Variants in TBC1D2 observed in about 807,000 individuals in gnomAD.
TBC1D2 encodes TBC1 domain family member 2.
A neutral mutation model predicts 91.1 loss-of-function variants in TBC1D2; 58 were observed. That is an observed-to-expected ratio of 0.64 (90% CI 0.52 to 0.79). The LOEUF (loss-of-function observed/expected upper bound fraction) is 0.79, where lower values mean the gene tolerates loss of function less well. TBC1D2 is among the 30% of genes least tolerant of loss of function. The pLI, the probability that TBC1D2 is intolerant of heterozygous loss-of-function variation, is 0.00. For missense variants in TBC1D2, 1,080 were observed against 1,208.3 expected, an observed-to-expected ratio of 0.89 and a Z score of 1.57; for synonymous variants, 482 against 511.5, an observed-to-expected ratio of 0.94 and a Z score of 0.78.
At chr9:98,220,733 C>T in intron 6 of TBC1D2, 100 bp downstream of exon 6, 1 of 1,452,790 alleles carries the variant, frequency 6.9e-7, no homozygotes, top group Non-Finnish European at 9.3e-7. Flanking sequence ...GGGGTATCCC[C>T]ACTCCACCTA....
chr9:98,247,029 A>C (rs1305031767), intron 2 of TBC1D2, among the ~76,000 whole-genome samples: 1 of 152,012 alleles, frequency 6.6e-6, no homozygotes, highest in Admixed American at 6.5e-5. Flanking sequence ...AATCAGTAAA[A>C]AAAAAAAAAA....
At chr9:98,234,447 G>T (rs895119574) in intron 3 of TBC1D2, among the ~76,000 whole-genome samples, 1 of 152,332 alleles carries the variant, frequency 6.6e-6, no homozygotes, top group South Asian at 2.1e-4. Flanking sequence ...GGAAAATGAT[G>T]AAAGGAGTTC....
chr9:98,215,392 C>T (rs1300119079), intron 6 of TBC1D2, among the ~76,000 whole-genome samples: 1 of 152,184 alleles, frequency 6.6e-6, no homozygotes, highest in Non-Finnish European at 1.5e-5. Flanking sequence ...CCTAGCAACC[C>T]TAGAAGGGAT....
At chr9:98,215,981 A>AGAC (rs1244166754) in intron 6 of TBC1D2, among the ~76,000 whole-genome samples, 5 of 152,170 alleles carry the variant, frequency 3.3e-5, no homozygotes, top group African/African-American at 1.2e-4. Flanking sequence ...CCTACCCATC[A>AGAC]GACAGTATAA....
At chr9:98,216,007 G>A (rs1311316852) in intron 6 of TBC1D2, among the ~76,000 whole-genome samples, 1 of 152,180 alleles carries the variant, frequency 6.6e-6, no homozygotes, top group Non-Finnish European at 1.5e-5. Flanking sequence ...CATCAAAGAC[G>A]CTGGAGTTGG....
intron 4 of TBC1D2, among the ~76,000 whole-genome samples, chr9:98,230,525 G>C (rs769974231): frequency 1.8e-4 from 28 of 152,194 alleles, no homozygotes; most frequent in Non-Finnish European, 2.8e-4. Context: ...GCAGGGCTTT[G>C]GGGATAGGCC....
intron 7 of TBC1D2, among the ~76,000 whole-genome samples, chr9:98,211,793 G>C (rs1170947403): frequency 6.7e-6 from 1 of 149,030 alleles, no homozygotes; most frequent in Non-Finnish European, 1.5e-5. Context: ...ACCTGTTTCA[G>C]GGATTCCTTT....
At chr9:98,232,412 C>T (rs1054572058) in intron 4 of TBC1D2, among the ~76,000 whole-genome samples, 1 of 148,402 alleles carries the variant, frequency 6.7e-6, no homozygotes, top group African/African-American at 2.5e-5. Context: ...CTCGACCTCC[C>T]TGGCTCAAGT....
chr9:98,249,298 C>T (rs942392755), intron 2 of TBC1D2, among the ~76,000 whole-genome samples: 2 of 152,206 alleles, frequency 1.3e-5, no homozygotes, highest in African/African-American at 4.8e-5. Flanking sequence ...GTCATCACAG[C>T]AACTCCACCC....
At chr9:98,246,900 G>A (rs982789916) in intron 2 of TBC1D2, among the ~76,000 whole-genome samples, 2 of 152,086 alleles carry the variant, frequency 1.3e-5, no homozygotes, top group East Asian at 1.9e-4. Context: ...ATCTCATCAC[G>A]ATGGAAACCA....
At chr9:98,209,837 T>C (rs1828782041) in intron 8 of TBC1D2, among the ~76,000 whole-genome samples, 1 of 150,624 alleles carries the variant, frequency 6.6e-6, no homozygotes, top group Non-Finnish European at 1.5e-5. Flanking sequence ...CCTTCCTTTC[T>C]TTTCTTTTCT....
chr9:98,221,446 C>T (rs1026752540), intron 5 of TBC1D2, among the ~76,000 whole-genome samples: 1 of 152,220 alleles, frequency 6.6e-6, no homozygotes, highest in Non-Finnish European at 1.5e-5. Flanking sequence ...CCCAGCCAAG[C>T]CATGGTGAGG....
chr9:98,254,766 A>G (rs1488124942), intron 1 of TBC1D2, among the ~76,000 whole-genome samples: 1 of 152,234 alleles, frequency 6.6e-6, no homozygotes, highest in Non-Finnish European at 1.5e-5. Context: ...GCCTTGAGAG[A>G]GGATTGCAAA....
At chr9:98,220,410 T>A (rs1829066089) in intron 6 of TBC1D2, among the ~76,000 whole-genome samples, 1 of 152,048 alleles carries the variant, frequency 6.6e-6, no homozygotes, top group Non-Finnish European at 1.5e-5. Flanking sequence ...CTGCAGGTCA[T>A]CCGTACAGTG....
intron 3 of TBC1D2, 104 bp from the exon 4 acceptor site, chr9:98,233,653 C>A: frequency 6.6e-7 from 1 of 1,514,970 alleles, no homozygotes; most frequent in Non-Finnish European, 8.8e-7. Flanking sequence ...TCCCCACACC[C>A]TGTCATCCTG....
chr9:98,226,596 A>C (rs1829238536), intron 5 of TBC1D2, among the ~76,000 whole-genome samples: 1 of 152,238 alleles, frequency 6.6e-6, no homozygotes, highest in African/African-American at 2.4e-5. Flanking sequence ...GGTTCTTTGA[A>C]TCACCCTGAA....
chr9:98,229,549 T>G (rs1358101736), intron 4 of TBC1D2, among the ~76,000 whole-genome samples: 1 of 152,218 alleles, frequency 6.6e-6, no homozygotes, highest in Non-Finnish European at 1.5e-5. Context: ...GTTCCTTATT[T>G]CAGGATCCCA....
At chr9:98,212,005 C>T (rs1455598989) in intron 7 of TBC1D2, among the ~76,000 whole-genome samples, 13 of 152,096 alleles carry the variant, frequency 8.5e-5, no homozygotes, top group South Asian at 4.1e-4. Flanking sequence ...ACCATGTTGC[C>T]CAGGCTGGTC....
chr9:98,199,067 T>C lies in TBC1D2; in HGVS notation c.*314A>G. ...CCATTTACATTGTTTTATATTGATATAACCTAGAGAATGTTCCAGGTTACC... is the reference window on the plus strand; with the variant it reads ...CCATTTACATTGTTTTATATTGATACAACCTAGAGAATGTTCCAGGTTACC... On this transcript the variant is annotated 3_prime_UTR_variant, in exon 13 of 13. Coordinates refer to ENST00000465784, the MANE Select transcript of TBC1D2 (RefSeq NM_001267571.2). The C allele has an allele frequency of 1.9e-6, 1 of 519,954 alleles. No individual in the cohort carries two copies. The highest frequency in any genetic ancestry group is 2.3e-5 in the South Asian group (1 of 43,432). The allele number at this position is 519,954 out of a possible 1,614,324, so 32.2% of individuals were successfully genotyped here. A position where few individuals can be genotyped will look rare whatever the true frequency, so the allele number is the denominator to read the frequency against.
Sources: allele counts gnomAD v4.1 joint callset (sites outside exome capture counted in the v4.1 genomes callset), GRCh38; gene constraint gnomAD v4.1.1; transcripts MANE v1.5; gene names NCBI Gene and HGNC (gene_info 2026-07-23, HGNC 2026-07-21).